TMTC2: variants seen among roughly 807,000 people sequenced by gnomAD.
The protein encoded by TMTC2 is protein O-mannosyl-transferase TMTC2.
TMTC2 carries 43 observed loss-of-function variants against 82.4 expected under a neutral mutation model. The ratio of observed to expected loss-of-function variants is 0.52; its 90% CI spans 0.41 to 0.67. The LOEUF (loss-of-function observed/expected upper bound fraction) is 0.67, where lower values mean the gene tolerates loss of function less well. TMTC2 is among the 30% of genes least tolerant of loss of function. The pLI, the probability that TMTC2 is intolerant of heterozygous loss-of-function variation, is 0.00. For synonymous variants in TMTC2, 408 were observed against 381.9 expected (o/e 1.07, Z -0.80); for missense variants, 919 against 1,012.4 (o/e 0.91, Z 1.25).
intron 1 of TMTC2, among the ~76,000 whole-genome samples, chr12:82,711,902 C>T (rs938091740): frequency 3.3e-5 from 5 of 152,158 alleles, no homozygotes; most frequent in Admixed American, 6.5e-5. Context: ...CAGCTCATAT[C>T]GAAAAGACAG....
chr12:83,034,455 A>G (rs941876248), intron 9 of TMTC2, among the ~76,000 whole-genome samples: 14 of 152,314 alleles, frequency 9.2e-5, no homozygotes, highest in African/African-American at 2.6e-4. Flanking sequence ...AGTAGAGCCC[A>G]TAGGGACTTG....
intron 11 of TMTC2, among the ~76,000 whole-genome samples, chr12:83,123,882 G>A (rs561707028): frequency 1.2e-4 from 19 of 152,204 alleles, no homozygotes; most frequent in East Asian, 5.8e-4. Flanking sequence ...TCTTATACCC[G>A]TAAGGAAATA....
At chr12:83,100,202 A>G (rs1208797727) in intron 11 of TMTC2, among the ~76,000 whole-genome samples, 2 of 152,038 alleles carry the variant, frequency 1.3e-5, no homozygotes, top group Non-Finnish European at 2.9e-5. Context: ...TTATAGGTGT[A>G]AGCCATCACT....
At chr12:82,790,208 C>G (rs1371066853) in intron 1 of TMTC2, among the ~76,000 whole-genome samples, 1 of 150,856 alleles carries the variant, frequency 6.6e-6, no homozygotes, top group African/African-American at 2.4e-5. Flanking sequence ...GGTAAACTGT[C>G]CATGGCCATG....
intron 8 of TMTC2, among the ~76,000 whole-genome samples, chr12:83,029,597 T>C (rs893756015): frequency 1.3e-5 from 2 of 152,194 alleles, no homozygotes; most frequent in African/African-American, 4.8e-5. Context: ...CATTTGTCTT[T>C]ACCATGGTCT....
At chr12:83,068,161 C>T (rs984231184) in intron 11 of TMTC2, among the ~76,000 whole-genome samples, 1 of 151,982 alleles carries the variant, frequency 6.6e-6, no homozygotes. Flanking sequence ...GTATTACTTT[C>T]AATTTGACTA....
intron 1 of TMTC2, among the ~76,000 whole-genome samples, chr12:82,812,710 C>T (rs547925108): frequency 2.0e-5 from 3 of 151,950 alleles, no homozygotes; most frequent in East Asian, 1.9e-4. Flanking sequence ...TTGACTAACT[C>T]GGTTTGTTTC....
chr12:83,026,011 A>C (rs985499334), intron 8 of TMTC2, among the ~76,000 whole-genome samples: 8 of 152,128 alleles, frequency 5.3e-5, no homozygotes, highest in African/African-American at 1.9e-4. Flanking sequence ...ATATTTATGG[A>C]GGTTTCTTCA....
intron 3 of TMTC2, among the ~76,000 whole-genome samples, chr12:82,924,056 A>G (rs989639147): frequency 3.9e-5 from 6 of 152,246 alleles, no homozygotes; most frequent in African/African-American, 1.4e-4. Flanking sequence ...TTTAAGGAAG[A>G]TAGGATTTGA....
intron 11 of TMTC2, among the ~76,000 whole-genome samples, chr12:83,100,508 G>C (rs544382470): frequency 6.6e-6 from 1 of 151,886 alleles, no homozygotes; most frequent in East Asian, 1.9e-4. Context: ...TCAGATATTC[G>C]TATCCCAATC....
At chr12:82,933,060 C>T (rs186204629) in intron 4 of TMTC2, among the ~76,000 whole-genome samples, 50 of 152,168 alleles carry the variant, frequency 3.3e-4, no homozygotes, top group Admixed American at 1.2e-3. Flanking sequence ...AGTTTTTCCC[C>T]GTAATTGTTG....
intron 1 of TMTC2, among the ~76,000 whole-genome samples, chr12:82,825,714 G>A (rs1162966395): frequency 6.6e-6 from 1 of 152,084 alleles, no homozygotes; most frequent in Non-Finnish European, 1.5e-5. Context: ...ATAATCAAAT[G>A]GGATACTTTG....
rs114210095 is a variant in TMTC2 at position 82,931,974 on chromosome 12, C to G, written c.1598+1429C>G. ...GGAATGGAATGGAGGCAAAACAGTT[C>G]TCTATAGGAAGATGACTGATCCTAG... On this transcript the variant is annotated intron_variant, in intron 4 of 11. Coordinates refer to ENST00000321196, the MANE Select transcript of TMTC2 (RefSeq NM_152588.3). Among the ~76,000 whole-genome samples, 1,165 of 152,106 alleles carry G rather than the reference C, an allele frequency of 7.7e-3. 14 individuals are homozygous for G. Among genetic ancestry groups the G allele is most frequent in the African/African-American group, 0.027 (1,125 of 41,490 alleles).
At chr12:82,924,696 T>C (rs1039833958) in intron 3 of TMTC2, among the ~76,000 whole-genome samples, 2 of 152,204 alleles carry the variant, frequency 1.3e-5, no homozygotes, top group African/African-American at 4.8e-5. Flanking sequence ...CTGCTGCTCA[T>C]CTGTCCTGTT....
In TMTC2 at chr12:82,928,643, G is replaced by A. The variant is rs570618557; in HGVS notation, c.1484-1788G>A. Among the ~76,000 whole-genome samples the A allele has an allele frequency of 7.9e-5, 12 of 152,320 alleles. No homozygotes were observed. In the South Asian group the frequency reaches 2.1e-3, roughly 26 times the overall value. On this transcript the variant is annotated intron_variant, in intron 3 of 11. Coordinates refer to ENST00000321196, the MANE Select transcript of TMTC2 (RefSeq NM_152588.3). The stretch of plus-strand genomic sequence containing the variant: ...AGAGGGGAGAAAAAGTTTGGAAACA[G>A]CCAGTGTCGGATTAGAGTTTTTGCT...
At chr12:82,748,283 C>T (rs769940231) in intron 1 of TMTC2, among the ~76,000 whole-genome samples, 11 of 151,698 alleles carry the variant, frequency 7.3e-5, no homozygotes, top group African/African-American at 1.7e-4. Flanking sequence ...TGCACTCCAG[C>T]GTGGGCGACA....
At chr12:82,875,973 C>T (rs1242847359) in intron 2 of TMTC2, among the ~76,000 whole-genome samples, 1 of 133,152 alleles carries the variant, frequency 7.5e-6, no homozygotes, top group East Asian at 2.2e-4. Context: ...TTTTTCTTGA[C>T]CAGAGTTGTT....
At chr12:82,817,554 A>T (rs1442832040) in intron 1 of TMTC2, among the ~76,000 whole-genome samples, 1 of 151,126 alleles carries the variant, frequency 6.6e-6, no homozygotes, top group African/African-American at 2.5e-5. Context: ...TAAAAGGATC[A>T]CTTTGTGTGT....
intron 2 of TMTC2, among the ~76,000 whole-genome samples, chr12:82,866,319 G>C (rs1381257163): frequency 6.7e-6 from 1 of 150,314 alleles, no homozygotes; most frequent in Non-Finnish European, 1.5e-5. Context: ...ACAATGTTCA[G>C]ATATTACTGT....
Sources: gnomAD v4.1 joint callset for allele counts (sites outside exome capture counted in the v4.1 genomes callset) on GRCh38, gnomAD v4.1.1 for gene constraint, MANE v1.5 for transcripts, NCBI Gene and HGNC (gene_info 2026-07-23, HGNC 2026-07-21) for gene names.